Variants in CFAP77 observed in about 807,000 individuals in gnomAD.
CFAP77 encodes cilia- and flagella-associated protein 77.
In CFAP77, 25 loss-of-function variants were observed where a neutral mutation model predicts 31.1. That is an observed-to-expected ratio of 0.80 (90% CI 0.59 to 1.12). The LOEUF (loss-of-function observed/expected upper bound fraction) is 1.12. CFAP77 is among the 50% of genes most tolerant of loss of function. The probability of loss-of-function intolerance (pLI) is 0.00; values close to 1 mark genes in which losing one functional copy is unlikely to be tolerated. For missense variants in CFAP77, 377 were observed against 397.3 expected, an observed-to-expected ratio of 0.95 and a Z score of 0.44; for synonymous variants, 151 against 159.9, an observed-to-expected ratio of 0.94 and a Z score of 0.42.
rs1852604893 is a variant in CFAP77 at position 132,539,617 on chromosome 9, G to A, written c.630+1911G>A. Among the ~76,000 whole-genome samples, 1 of 152,226 alleles carries A rather than the reference G, an allele frequency of 6.6e-6. No homozygotes were observed. Among genetic ancestry groups the A allele is most frequent in the Non-Finnish European group, 1.5e-5 (1 of 68,014 alleles). ...CCAGGGGATCGGAGGAGTCTTTCTC[G>A]AAATCCTGGTACCCTCAGGAGGGGC... On this transcript the variant is annotated intron_variant, in intron 4 of 5. Coordinates refer to ENST00000393216, the MANE Select transcript of CFAP77 (RefSeq NM_001282957.2). The surrounding 1 kb of genome is among the most constrained non-coding windows in gnomAD (Gnocchi z 4.3).
rs1850829043 is a variant in CFAP77, at chr9:132,451,645, C to T, written c.195+41179C>T. On this transcript the variant is annotated intron_variant, in intron 1 of 5. Coordinates refer to ENST00000393216, the MANE Select transcript of CFAP77 (RefSeq NM_001282957.2). ...TGACACTCATGAAGATTCCTTGTCCCTTTCTTGATCCCCACCACGCCCCCT... is the reference window on the plus strand; with the variant it reads ...TGACACTCATGAAGATTCCTTGTCCTTTTCTTGATCCCCACCACGCCCCCT... 2.0e-5 allele frequency among the ~76,000 whole-genome samples: 3 copies of T among 152,050 alleles called. No individual in the cohort carries two copies. In the South Asian group the frequency reaches 6.2e-4, roughly 32 times the overall value.
intron 3 of CFAP77, chr9:132,513,414 C>A (rs2118999157): frequency 6.7e-7 from 1 of 1,486,380 alleles, no homozygotes; most frequent in Non-Finnish European, 9.0e-7. Flanking sequence ...CAATCTGAGG[C>A]CCCTGTGCAC....
intron 5 of CFAP77, among the ~76,000 whole-genome samples, chr9:132,570,701 G>GTC (rs1343526830): frequency 6.6e-6 from 1 of 152,224 alleles, no homozygotes; most frequent in Middle Eastern, 3.2e-3. Flanking sequence ...GAAGAACGGA[G>GTC]TCTCTGGTCA....
intron 1 of CFAP77, among the ~76,000 whole-genome samples, chr9:132,467,335 A>G (rs1365576566): frequency 6.6e-6 from 1 of 152,114 alleles, no homozygotes; most frequent in African/African-American, 2.4e-5. Flanking sequence ...TCCCCATTAA[A>G]CAACATCTCC....
At chr9:132,417,682 T>C (rs1283752886) in intron 1 of CFAP77, among the ~76,000 whole-genome samples, 1 of 152,220 alleles carries the variant, frequency 6.6e-6, no homozygotes, top group African/African-American at 2.4e-5. Flanking sequence ...TTTTGAGGGT[T>C]CAGTGAGACA....
intron 3 of CFAP77, among the ~76,000 whole-genome samples, chr9:132,504,583 G>A (rs1011741121): frequency 6.6e-6 from 1 of 152,202 alleles, no homozygotes; most frequent in African/African-American, 2.4e-5. Flanking sequence ...AGCAAATATC[G>A]TGGCCATAAA....
In CFAP77 at chr9:132,526,478, C is replaced by T. The variant is rs572456750; in HGVS notation, c.525-11123C>T. Among the ~76,000 whole-genome samples, 8 of 152,012 alleles carry T rather than the reference C, an allele frequency of 5.3e-5. No individual in the cohort carries two copies. In the East Asian group the frequency reaches 5.8e-4, roughly 11 times the overall value. The stretch of plus-strand genomic sequence containing the variant: ...CGATCTCCTGACTTCGTGATCCGTC[C>T]GCCTCGGCCTCCCAAAATGCTGGGA... On this transcript the variant is annotated intron_variant, in intron 3 of 5. Coordinates refer to ENST00000393216, the MANE Select transcript of CFAP77 (RefSeq NM_001282957.2).
chr9:132,546,015 G>A (rs1852722888), intron 5 of CFAP77, among the ~76,000 whole-genome samples: 1 of 152,162 alleles, frequency 6.6e-6, no homozygotes, highest in South Asian at 2.1e-4. Context: ...AGCCCCCCAG[G>A]ACCGTGCCTG....
rs994251140 is a variant in CFAP77, at chr9:132,474,438, A to G, written c.196-24257A>G. 5.9e-5 allele frequency among the ~76,000 whole-genome samples: 9 copies of G among 152,198 alleles called. No individual in the cohort carries two copies. In the East Asian group the frequency reaches 9.6e-4, roughly 16 times the overall value. ...GAGCGTGACTCAAGTGAAATGGGAT[A>G]AATGTGGGGGCTGGTGGGGCGCAGG... On this transcript the variant is annotated intron_variant, in intron 1 of 5. Transcript: ENST00000393216.
intron 1 of CFAP77, among the ~76,000 whole-genome samples, chr9:132,468,143 G>A (rs1457102289): frequency 6.6e-6 from 1 of 152,036 alleles, no homozygotes; most frequent in Non-Finnish European, 1.5e-5. Context: ...AGGAGTTCGA[G>A]ACCAGCCTGG....
chr9:132,569,234 C>G (rs575971699), intron 5 of CFAP77, among the ~76,000 whole-genome samples: 176 of 152,246 alleles, frequency 1.2e-3, no homozygotes, highest in African/African-American at 4.1e-3. Flanking sequence ...GACCCTCCCC[C>G]CATCTCTACA....
chr9:132,522,230 C>G (rs1852281962), intron 3 of CFAP77, among the ~76,000 whole-genome samples: 1 of 152,198 alleles, frequency 6.6e-6, no homozygotes, highest in Non-Finnish European at 1.5e-5. Context: ...ACCTGGCTTG[C>G]TGGGCAGTGT....
chr9:132,562,081 G>A (rs796746159), intron 5 of CFAP77, among the ~76,000 whole-genome samples: 12 of 152,326 alleles, frequency 7.9e-5, no homozygotes, highest in African/African-American at 2.9e-4. Flanking sequence ...GTAAGCCAAC[G>A]TCACCCACCA....
At chr9:132,435,886 C>A (rs946083337) in intron 1 of CFAP77, among the ~76,000 whole-genome samples, 60 of 152,308 alleles carry the variant, frequency 3.9e-4, no homozygotes, top group African/African-American at 1.4e-3. Flanking sequence ...GAAAGAAACA[C>A]AGGGCTTACC....
intron 1 of CFAP77, among the ~76,000 whole-genome samples, chr9:132,438,880 C>CTTT (rs890261288): frequency 7.0e-6 from 1 of 143,284 alleles, no homozygotes; most frequent in African/African-American, 2.6e-5. Context: ...CTTTTCTTTT[C>CTTT]TTTTTTTTTT....
intron 5 of CFAP77, among the ~76,000 whole-genome samples, chr9:132,568,692 T>G (rs1348037335): frequency 1.3e-5 from 2 of 152,010 alleles, no homozygotes; most frequent in South Asian, 4.1e-4. Context: ...CAACTGGGCA[T>G]GAGGAAGCTT....
chr9:132,513,027 AT>A (rs899881204), intron 3 of CFAP77, among the ~76,000 whole-genome samples: 14 of 152,210 alleles, frequency 9.2e-5, no homozygotes, highest in African/African-American at 2.4e-4. Context: ...TTTAAAAAAA[AT>A]TTTAATTTTT....
chr9:132,518,951 C>T (rs1025266588), intron 3 of CFAP77, among the ~76,000 whole-genome samples: 4 of 152,196 alleles, frequency 2.6e-5, no homozygotes, highest in African/African-American at 4.8e-5. Flanking sequence ...AAGACAGTGG[C>T]GTTCCCTGGG....
chr9:132,520,353 G>A (rs1034570852), intron 3 of CFAP77, among the ~76,000 whole-genome samples: 1 of 152,072 alleles, frequency 6.6e-6, no homozygotes, highest in Non-Finnish European at 1.5e-5. Context: ...TGAAGATATA[G>A]TACATTTCCA....
Sources: allele counts gnomAD v4.1 joint callset (sites outside exome capture counted in the v4.1 genomes callset), GRCh38; gene constraint gnomAD v4.1.1; non-coding constraint Gnocchi (gnomAD v3.1); transcripts MANE v1.5; gene names NCBI Gene and HGNC (gene_info 2026-07-23, HGNC 2026-07-21).